Variants in KHDRBS2 observed in about 807,000 individuals in gnomAD.
KHDRBS2 encodes the protein KH RNA binding domain containing, signal transduction associated 2.
A neutral mutation model predicts 44.3 loss-of-function variants in KHDRBS2; 26 were observed. That is an observed-to-expected ratio of 0.59 (90% CI 0.43 to 0.81). KHDRBS2 has a LOEUF of 0.81. Among genes scored for constraint, KHDRBS2 ranks in the 40% least tolerant of loss-of-function variants. The probability of loss-of-function intolerance (pLI) is 0.00; values close to 1 mark genes in which losing one functional copy is unlikely to be tolerated. For synonymous variants in KHDRBS2, 194 were observed against 151.1 expected (o/e 1.28, Z -2.08); for missense variants, 476 against 433.1 (o/e 1.10, Z -0.88).
the KHDRBS2 span, among the ~76,000 whole-genome samples, chr6:61,600,974 C>T: frequency 1.3e-5 from 2 of 152,308 alleles, no homozygotes; most frequent in South Asian, 4.2e-4. Context: ...CTCGGGAAGA[C>T]AGTCTTCCCT....
chr6:61,815,626 T>A (rs1219856515), intron 6 of KHDRBS2, among the ~76,000 whole-genome samples: 1 of 152,182 alleles, frequency 6.6e-6, no homozygotes, highest in African/African-American at 2.4e-5. Context: ...TATAATTCCA[T>A]GACCTTGGAA....
At chr6:62,011,276 C>T (rs777648292) in intron 3 of KHDRBS2, among the ~76,000 whole-genome samples, 1 of 151,994 alleles carries the variant, frequency 6.6e-6, no homozygotes, top group Non-Finnish European at 1.5e-5. Context: ...GTTGACAAAA[C>T]CTGTCATGAA....
At chr6:62,114,976 C>T (rs560907084) in intron 2 of KHDRBS2, among the ~76,000 whole-genome samples, 66 of 151,950 alleles carry the variant, frequency 4.3e-4, no homozygotes, top group African/African-American at 1.4e-3. Flanking sequence ...ATATTTTTGT[C>T]GGCGTAAATA....
intron 1 of KHDRBS2, among the ~76,000 whole-genome samples, chr6:62,185,609 ATAGAGACATTAACTGC>A (rs1823260548): frequency 6.6e-6 from 1 of 152,030 alleles, no homozygotes; most frequent in Non-Finnish European, 1.5e-5. Flanking sequence ...TGAAGTAGAA[ATAGAGACATTAACTGC>A]TAGACAATTT....
chr6:61,976,833 A>G (rs546094201), intron 4 of KHDRBS2, among the ~76,000 whole-genome samples: 1 of 152,280 alleles, frequency 6.6e-6, no homozygotes, highest in Non-Finnish European at 1.5e-5. Flanking sequence ...ATACAGCACT[A>G]GGCATTTAGT....
At chr6:61,617,633 A>C in the KHDRBS2 span, among the ~76,000 whole-genome samples, 2 of 139,748 alleles carry the variant, frequency 1.4e-5, no homozygotes, top group Non-Finnish European at 3.1e-5. Flanking sequence ...ACTGAAAAAG[A>C]CTGATTTTTT....
intron 4 of KHDRBS2, 54 bp from the exon 5 acceptor site, chr6:61,901,425 G>C: frequency 7.9e-7 from 1 of 1,266,302 alleles, no homozygotes; most frequent in East Asian, 2.7e-5. Context: ...CGTTCTCAGA[G>C]TTGGAAAAAA....
intron 4 of KHDRBS2, among the ~76,000 whole-genome samples, chr6:61,932,499 C>A (rs1355221522): frequency 6.6e-6 from 1 of 152,118 alleles, no homozygotes; most frequent in Non-Finnish European, 1.5e-5. Context: ...TTAGATTCCA[C>A]GTAAGAGTGA....
At chr6:62,227,742 G>A (rs938453761) in intron 1 of KHDRBS2, among the ~76,000 whole-genome samples, 1 of 152,172 alleles carries the variant, frequency 6.6e-6, no homozygotes, top group African/African-American at 2.4e-5. Context: ...AAGCGATGTT[G>A]AATTGTATCG....
intron 6 of KHDRBS2, among the ~76,000 whole-genome samples, chr6:61,893,593 T>A (rs533869901): frequency 6.6e-6 from 1 of 152,270 alleles, no homozygotes; most frequent in South Asian, 2.1e-4. Context: ...GTTCATGTCC[T>A]TTGTAGGGAC....
the KHDRBS2 span, among the ~76,000 whole-genome samples, chr6:61,653,015 C>T: frequency 1.3e-5 from 2 of 151,986 alleles, no homozygotes. Context: ...GCAAAGAGAG[C>T]TATTATAAAT....
At chr6:62,031,015 T>A (rs528165164) in intron 3 of KHDRBS2, among the ~76,000 whole-genome samples, 1 of 152,164 alleles carries the variant, frequency 6.6e-6, no homozygotes, top group African/African-American at 2.4e-5. Flanking sequence ...AGCATTATGT[T>A]AAGTGAAAAA....
intron 1 of KHDRBS2, among the ~76,000 whole-genome samples, chr6:62,183,428 T>C (rs1235523028): frequency 1.3e-5 from 2 of 151,706 alleles, no homozygotes; most frequent in Non-Finnish European, 3.0e-5. Context: ...GTACTAAATA[T>C]GTACATCAAG....
At chr6:62,063,263 T>C (rs1299316036) in intron 2 of KHDRBS2, among the ~76,000 whole-genome samples, 9 of 148,092 alleles carry the variant, frequency 6.1e-5, no homozygotes, top group African/African-American at 2.0e-4. Context: ...GAGGGAATCC[T>C]CCCTAACTCA....
At position 61,944,340 on chromosome 6, in the gene KHDRBS2, A is replaced by T. The variant is rs187002343; in HGVS notation, c.483+33726T>A. On this transcript the variant is annotated intron_variant, in intron 4 of 8. Transcript: ENST00000281156. Reference sequence around the variant, plus strand: ...TTAGTCCATATAAAAGAATGAAATCATTTCATTTGTAGCAACATATATTGA... The same window carrying T: ...TTAGTCCATATAAAAGAATGAAATCTTTTCATTTGTAGCAACATATATTGA... Among the ~76,000 whole-genome samples the T allele has an allele frequency of 2.2e-3, 340 of 152,274 alleles. 2 individuals are homozygous for T. The highest frequency in any genetic ancestry group is 8.0e-3 in the African/African-American group (331 of 41,564).
chr6:61,904,444 G>T (rs1166927703), intron 4 of KHDRBS2, among the ~76,000 whole-genome samples: 1 of 152,176 alleles, frequency 6.6e-6, no homozygotes, highest in East Asian at 1.9e-4. Flanking sequence ...TAGCTAGAGG[G>T]CTATACTTTG....
chr6:62,194,623 C>G (rs147792787), intron 1 of KHDRBS2, among the ~76,000 whole-genome samples: 2 of 150,058 alleles, frequency 1.3e-5, no homozygotes, highest in Non-Finnish European at 3.0e-5. Flanking sequence ...CCTCAGGCTC[C>G]CAAGAAACTG....
chr6:61,909,853 G>C (rs1805726813), intron 4 of KHDRBS2, among the ~76,000 whole-genome samples: 1 of 152,142 alleles, frequency 6.6e-6, no homozygotes, highest in South Asian at 2.1e-4. Context: ...TGCAGTGAGG[G>C]ACCATTTTCC....
chr6:61,596,571 A>T, the KHDRBS2 span, among the ~76,000 whole-genome samples: 4 of 152,230 alleles, frequency 2.6e-5, no homozygotes, highest in African/African-American at 9.6e-5. Flanking sequence ...GAACATAACT[A>T]TTCTGATGAC....
Sources: gnomAD v4.1 joint callset for allele counts (sites outside exome capture counted in the v4.1 genomes callset) on GRCh38, gnomAD v4.1.1 for gene constraint, MANE v1.5 for transcripts, NCBI Gene and HGNC (gene_info 2026-07-23, HGNC 2026-07-21) for gene names.